The following NUP133 variants were observed in gnomAD, a reference collection of about 807,000 sequenced individuals.
NUP133 encodes the protein nucleoporin 133.
A neutral mutation model predicts 146.2 loss-of-function variants in NUP133; 66 were observed. The ratio of observed to expected loss-of-function variants is 0.45; its 90% CI spans 0.37 to 0.55. The LOEUF is 0.55. Among genes scored for constraint, NUP133 ranks in the 20% least tolerant of loss-of-function variants. The probability of loss-of-function intolerance (pLI) is 0.00; values close to 1 mark genes in which losing one functional copy is unlikely to be tolerated. For missense variants in NUP133, 1,277 were observed against 1,374.8 expected (o/e 0.93, Z 1.12); for synonymous variants, 521 against 498.8 (o/e 1.04, Z -0.59).
intron 10 of NUP133, among the ~76,000 whole-genome samples, chr1:229,487,213 GT>G (rs1661373553): frequency 6.6e-6 from 1 of 152,086 alleles, no homozygotes; most frequent in South Asian, 2.1e-4. Flanking sequence ...CTTGGCAATA[GT>G]TTTTTGCTTC....
At chr1:229,503,220 T>A (rs143042633) in intron 2 of NUP133, among the ~76,000 whole-genome samples, 2 of 151,432 alleles carry the variant, frequency 1.3e-5, no homozygotes. Context: ...AGAGGTTGCA[T>A]TGAGCTGAGA....
chr1:229,466,843 A>T lies in NUP133; in HGVS notation c.2077-87T>A, dbSNP rs1660838038. The T allele has an allele frequency of 3.0e-5, 40 of 1,317,016 alleles. No individual in the cohort carries two copies. In the South Asian group the frequency reaches 5.1e-4, roughly 17 times the overall value. 81.6% of individuals were successfully genotyped at this position (1,317,016 alleles called of 1,614,324 possible). ...CCCAGTGAGTTTTACTCATTAAGCC[A>T]TATCCTCAGACCTATAGATGGAGGA... On this transcript the variant is annotated intron_variant, in intron 15 of 25. Coordinates refer to ENST00000261396, the MANE Select transcript of NUP133 (RefSeq NM_018230.3).
At chr1:229,475,759 G>C (rs751151823) in intron 13 of NUP133, 27 bp from the exon 14 acceptor site, 1 of 1,535,008 alleles carries the variant, frequency 6.5e-7, no homozygotes, top group Non-Finnish European at 9.0e-7. Context: ...ATAAAACTTA[G>C]AACATAGTGG....
At chr1:229,449,756 C>T (rs1167515061) in intron 23 of NUP133, among the ~76,000 whole-genome samples, 2 of 149,222 alleles carry the variant, frequency 1.3e-5, no homozygotes, top group African/African-American at 2.5e-5. Context: ...TCAATTGCAT[C>T]GACAGGTAAT....
chr1:229,495,131 G>T (rs1230166270), intron 8 of NUP133, among the ~76,000 whole-genome samples: 1 of 152,194 alleles, frequency 6.6e-6, no homozygotes, highest in Admixed American at 6.6e-5. Context: ...GCTCACACCC[G>T]TAATCGCAAT....
intron 14 of NUP133, among the ~76,000 whole-genome samples, chr1:229,471,327 T>C (rs556907157): frequency 6.6e-6 from 1 of 152,268 alleles, no homozygotes; most frequent in East Asian, 1.9e-4. Context: ...CAGGCTGATC[T>C]TGGCCACAAG....
intron 13 of NUP133, among the ~76,000 whole-genome samples, chr1:229,476,851 G>A (rs1282013738): frequency 1.3e-5 from 2 of 151,418 alleles, no homozygotes; most frequent in Non-Finnish European, 2.9e-5. Flanking sequence ...TTGAACCCAG[G>A]AGGTGGAGGT....
Position 229,470,785 on chromosome 1 carries a change from A to T in NUP133, c.1871T>A (p.Leu624Gln), listed in dbSNP as rs1404991889. The T allele has an allele frequency of 6.2e-7, 1 of 1,613,982 alleles. No homozygotes were observed. The highest frequency in any genetic ancestry group is 1.7e-5 in the Admixed American group (1 of 60,026). ...FIHQVGLFGRLGSFPVRGTPM... is the reference protein window; with the variant it reads ...FIHQVGLFGRQGSFPVRGTPM... ...TGTCCCTCTAACTGGAAAACTGCCT[A>T]GACGTCCAAATAAGCCAACCTTGCA... The change falls in exon 15 of 26, where the codon CTA becomes CAA. Residue 624 changes from leucine to glutamine, a missense_variant. Leu to Gln is a moderately radical substitution (Grantham distance 113, BLOSUM62 -2). Coordinates refer to ENST00000261396, the MANE Select transcript of NUP133 (RefSeq NM_018230.3).
intron 19 of NUP133, among the ~76,000 whole-genome samples, chr1:229,461,221 C>G (rs1012368503): frequency 6.6e-6 from 1 of 152,060 alleles, no homozygotes. Context: ...TGTAACATTC[C>G]AGAATTCTGC....
At chr1:229,479,075 GAGAGAGAGAGAGACCA>G (rs1181806576) in intron 12 of NUP133, among the ~76,000 whole-genome samples, 1 of 152,096 alleles carries the variant, frequency 6.6e-6, no homozygotes, top group Non-Finnish European at 1.5e-5. Flanking sequence ...CAGAGACAGA[GAGAGAGAGAGAGACCA>G]ACCACACTCA....
At chr1:229,449,885 T>A (rs1190547236) in intron 23 of NUP133, among the ~76,000 whole-genome samples, 86 of 100,880 alleles carry the variant, frequency 8.5e-4, no homozygotes, top group African/African-American at 3.0e-3. Context: ...TTTTTTTTTT[T>A]TTTTTTTTTT....
intron 5 of NUP133, 150 bp from the exon 6 acceptor site, chr1:229,498,456 T>C (rs1468019492): frequency 3.5e-6 from 2 of 573,026 alleles, no homozygotes; most frequent in Non-Finnish European, 5.7e-6. Context: ...AAGTAATATA[T>C]TTCAGAATCC....
intron 2 of NUP133, among the ~76,000 whole-genome samples, chr1:229,503,494 A>G (rs1661857151): frequency 6.6e-6 from 1 of 152,242 alleles, no homozygotes; most frequent in Non-Finnish European, 1.5e-5. Context: ...ATTAAGTGAC[A>G]AAACTAAATT....
Position 229,449,646 on chromosome 1 carries a change from C to T in NUP133, c.3181-456G>A, listed in dbSNP as rs1176713278. On this transcript the variant is annotated intron_variant, in intron 23 of 25. Coordinates refer to ENST00000261396, the MANE Select transcript of NUP133 (RefSeq NM_018230.3). ...TTGGTCTCCCAAAGTGCTAGGATTA[C>T]AGGTGTAAGCCACCTCGCCCGGCCT... Among the ~76,000 whole-genome samples the T allele has an allele frequency of 2.6e-5, 4 of 151,398 alleles. No homozygotes were observed. In the East Asian group the frequency reaches 7.8e-4, roughly 29 times the overall value.
chr1:229,483,696 C>CAAAAAAAA (rs35673633), intron 12 of NUP133, among the ~76,000 whole-genome samples: 2 of 57,534 alleles, frequency 3.5e-5, no homozygotes, highest in Non-Finnish European at 7.6e-5. Context: ...CGGAGTGTCT[C>CAAAAAAAA]AAAAAAAAAA....
At chr1:229,449,033 C>G in intron 24 of NUP133, 93 bp downstream of exon 24, 1 of 961,382 alleles carries the variant, frequency 1.0e-6, no homozygotes, top group Non-Finnish European at 1.7e-6. Flanking sequence ...CACGTCTGGT[C>G]ACAGAAGTCT....
At chr1:229,495,437 A>G (rs1661632603) in intron 8 of NUP133, 58 bp downstream of exon 8, 2 of 1,182,524 alleles carry the variant, frequency 1.7e-6, no homozygotes, top group Admixed American at 1.8e-5. Context: ...TATTATAAAC[A>G]TCAACTTATT....
chr1:229,483,238 G>A (rs888837932), intron 12 of NUP133, among the ~76,000 whole-genome samples: 1 of 152,090 alleles, frequency 6.6e-6, no homozygotes, highest in Non-Finnish European at 1.5e-5. Flanking sequence ...GCTGGGACTA[G>A]AGGCGTGCAT....
intron 12 of NUP133, among the ~76,000 whole-genome samples, chr1:229,478,241 TA>T (rs1329320968): frequency 6.6e-6 from 1 of 152,166 alleles, no homozygotes; most frequent in Non-Finnish European, 1.5e-5. Context: ...AAAATTTATT[TA>T]ATTAAAAGGG....
Sources: gnomAD v4.1 joint callset for allele counts (sites outside exome capture counted in the v4.1 genomes callset) on GRCh38, gnomAD v4.1.1 for gene constraint, MANE v1.5 for transcripts, NCBI Gene and HGNC (gene_info 2026-07-23, HGNC 2026-07-21) for gene names.